Variants in FGFRL1 observed in about 807,000 individuals in gnomAD.
FGFRL1 encodes fibroblast growth factor receptor-like 1.
In FGFRL1, 24 loss-of-function variants were observed where a neutral mutation model predicts 36.8. That is an observed-to-expected ratio of 0.65 (90% CI 0.47 to 0.92). The LOEUF (loss-of-function observed/expected upper bound fraction) is 0.92, where lower values mean the gene tolerates loss of function less well. Among genes scored for constraint, FGFRL1 ranks in the 40% least tolerant of loss-of-function variants. FGFRL1 has a pLI of 0.00. For missense variants in FGFRL1, 785 were observed against 753.4 expected (o/e 1.04, Z -0.49); for synonymous variants, 422 against 344.1 (o/e 1.23, Z -2.50).
At chr4:1,020,541 C>T (rs1183171394) in intron 2 of FGFRL1, among the ~76,000 whole-genome samples, 2 of 150,654 alleles carry the variant, frequency 1.3e-5, no homozygotes, top group South Asian at 4.2e-4. Context: ...TTGGCACTGC[C>T]CACTGGGGCT....
chr4:1,024,442 G>A lies in FGFRL1; in HGVS notation c.850G>A (p.Val284Met), dbSNP rs376072293. The change falls in exon 6 of 7, where the codon GTG (valine) becomes ATG (methionine). Residue 284 changes from valine (V) to methionine (M), a missense_variant. Coordinates refer to ENST00000510644, the MANE Select transcript of FGFRL1 (RefSeq NM_001004356.3). ...GCCGGTGATCCAGTGGCTGAAGCGC[G>A]TGGAGTACGGCGCCGAGGGCCGCCA... The part of the protein sequence containing the change: ...VKPVIQWLKR[V>M]EYGAEGRHNS... The A allele has an allele frequency of 6.2e-6, 10 of 1,612,566 alleles. No homozygotes were observed. The highest frequency in any genetic ancestry group is 2.2e-5 in the East Asian group (1 of 44,874).
intron 2 of FGFRL1, among the ~76,000 whole-genome samples, chr4:1,020,401 C>T (rs1716107091): frequency 6.6e-6 from 1 of 151,990 alleles, no homozygotes; most frequent in South Asian, 2.1e-4. Context: ...GACTTGGGAG[C>T]AGCACGTGGG....
At position 1,026,665 on chromosome 4, in the gene FGFRL1, T is replaced by C. The variant is rs1029649607; in HGVS notation, c.*1318T>C. On this transcript the variant is annotated 3_prime_UTR_variant, in exon 7 of 7. Coordinates refer to ENST00000510644, the MANE Select transcript of FGFRL1 (RefSeq NM_001004356.3). The stretch of plus-strand genomic sequence containing the variant: ...ATTTATATTTAAGAAATGAAGATAA[T>C]ATTAATAATGATGGAAGGAAGACTG... The C allele has an allele frequency of 3.5e-5, 11 of 312,324 alleles. 1 individual carries two copies. Among genetic ancestry groups the C allele is most frequent in the Admixed American group, 1.8e-4 (4 of 21,894 alleles). The allele number at this position is 312,324 out of a possible 1,614,324, so 19.3% of individuals were successfully genotyped here.
Position 1,023,104 on chromosome 4 carries a change from G to A in FGFRL1, c.353-537G>A, listed in dbSNP as rs577170644. ...CCTGGCCCAGGCCCCAGCAGGGTCT[G>A]GGGGTGCGGCCTGAGACAGCCTGGT... On this transcript the variant is annotated intron_variant, in intron 3 of 6. Transcript: ENST00000510644. This position sits in a 1 kb window ranked among gnomAD's most constrained non-coding sequence, Gnocchi z 6.0. 1.3e-5 allele frequency among the ~76,000 whole-genome samples: 2 copies of A among 152,198 alleles called. No individual in the cohort carries two copies. Among genetic ancestry groups the A allele is most frequent in the South Asian group, 2.1e-4 (1 of 4,830 alleles).
chr4:1,012,214 G>T, intron 1 of FGFRL1: 1 of 449,146 alleles, frequency 2.2e-6, no homozygotes, highest in Non-Finnish European at 3.9e-6. Context: ...TGCGGGCAGG[G>T]CCGGAGTTAC....
In FGFRL1 at chr4:1,025,122, G is replaced by A. The variant is rs1340335420; in HGVS notation, c.1290G>A (p.Lys430=). 2 of 1,611,498 alleles carry A rather than the reference G, an allele frequency of 1.2e-6. No homozygotes were observed. The highest frequency in any genetic ancestry group is 1.3e-5 in the African/African-American group (1 of 75,040). Residue 430 remains lysine (K), a synonymous_variant, in exon 7 of 7, where the codon AAG becomes AAA. Transcript: ENST00000510644. ...PGTARDRSGD[K]DLPSLAALSA... is the part of the protein sequence containing the mutation. Reference sequence around the variant, plus strand: ...CGGCCCGCGACCGCAGCGGAGACAAGGACCTTCCCTCGTTGGCCGCCCTCA... The same window carrying A: ...CGGCCCGCGACCGCAGCGGAGACAAAGACCTTCCCTCGTTGGCCGCCCTCA...
At chr4:1,024,141 G>C in intron 5 of FGFRL1, 40 bp downstream of exon 5, 1 of 1,373,582 alleles carries the variant, frequency 7.3e-7, no homozygotes, top group Non-Finnish European at 9.4e-7. Flanking sequence ...GGGGGTGCTG[G>C]TGGGCGGGGG....
chr4:1,021,951 G>A (rs538971119), intron 2 of FGFRL1, among the ~76,000 whole-genome samples: 2 of 152,210 alleles, frequency 1.3e-5, no homozygotes, highest in Admixed American at 1.3e-4. Flanking sequence ...CTGGGGCCAC[G>A]GGGCTGCCCC....
At chr4:1,024,699 G>A in intron 6 of FGFRL1, 35 bp downstream of exon 6, 1 of 1,561,508 alleles carries the variant, frequency 6.4e-7, no homozygotes, top group East Asian at 2.3e-5. Flanking sequence ...CACCATGCTG[G>A]TGCCCGGACC....
At chr4:1,016,104 GGTGCCCGGT>G (rs953548329) in intron 2 of FGFRL1, among the ~76,000 whole-genome samples, 3 of 152,368 alleles carry the variant, frequency 2.0e-5, no homozygotes, top group Admixed American at 2.0e-4. Flanking sequence ...CTGACCTGGT[GGTGCCCGGT>G]GTGCCTGGGC....
chr4:1,015,947 C>T (rs912484139), intron 2 of FGFRL1, among the ~76,000 whole-genome samples: 4 of 152,254 alleles, frequency 2.6e-5, no homozygotes, highest in Admixed American at 6.5e-5. Context: ...GTGCCTGACG[C>T]AGGCATCACT....
At position 1,017,235 on chromosome 4, in the gene FGFRL1, GC is replaced by G. The variant is rs1170239019; in HGVS notation, c.79+4672del. 2.0e-5 allele frequency among the ~76,000 whole-genome samples: 3 copies of G among 152,188 alleles called. No individual in the cohort carries two copies. The East Asian group carries it at 5.8e-4, about 29-fold the overall frequency. On this transcript the variant is annotated intron_variant, in intron 2 of 6. Coordinates refer to ENST00000510644, the MANE Select transcript of FGFRL1 (RefSeq NM_001004356.3). ...CCTCCAGCTGGAAACTTTGGGCCAT[GC>G]AGGGCCCCCCAGTTCGCAGGCATCC...
Position 1,025,714 on chromosome 4 carries a change from A to T in FGFRL1, c.*367A>T. The stretch of plus-strand genomic sequence containing the variant: ...AACATACACACGCACACCCATGCGC[A>T]GATGTGCTGCCTGGACACACACACA... On this transcript the variant is annotated 3_prime_UTR_variant, in exon 7 of 7. Transcript: ENST00000510644. The T allele has an allele frequency of 3.1e-6, 1 of 322,986 alleles. No individual in the cohort carries two copies. Among genetic ancestry groups the T allele is most frequent in the Non-Finnish European group, 5.8e-6 (1 of 171,942 alleles). The allele number at this position is 322,986 out of a possible 1,614,324, so 20.0% of individuals were successfully genotyped here.
intron 2 of FGFRL1, among the ~76,000 whole-genome samples, chr4:1,014,884 G>T (rs1715805648): frequency 6.6e-6 from 1 of 152,222 alleles, no homozygotes; most frequent in Non-Finnish European, 1.5e-5. Flanking sequence ...GAGGGAGGGA[G>T]CCGTGAACAA....
intron 2 of FGFRL1, among the ~76,000 whole-genome samples, chr4:1,015,318 C>A (rs1368231245): frequency 1.3e-5 from 2 of 152,246 alleles, no homozygotes; most frequent in Non-Finnish European, 2.9e-5. Context: ...GAGGCCCCCT[C>A]CAGGGCTGCA....
chr4:1,021,352 C>T (rs542349676), intron 2 of FGFRL1, among the ~76,000 whole-genome samples: 188 of 152,166 alleles, frequency 1.2e-3, no homozygotes, highest in African/African-American at 4.4e-3. Flanking sequence ...CTGTGGGTTT[C>T]ACAGGTGGTG....
At position 1,022,168 on chromosome 4, in the gene FGFRL1, C is replaced by G. The variant is rs1227975037; in HGVS notation, c.80-35C>G. 2.7e-6 allele frequency: 4 copies of G among 1,480,810 alleles called. No homozygotes were observed. In the Admixed American group the frequency reaches 9.2e-5, roughly 34 times the overall value. 91.7% of individuals were successfully genotyped at this position (1,480,810 alleles called of 1,614,324 possible). ...CCCCCCCGGCTCCGGACCCCAAGCCCCTCCTCGCTGACTGTTCCTCGGTCC... is the reference window on the plus strand; with the variant it reads ...CCCCCCCGGCTCCGGACCCCAAGCCGCTCCTCGCTGACTGTTCCTCGGTCC... On this transcript the variant is annotated intron_variant, in intron 2 of 6. Transcript: ENST00000510644.
intron 2 of FGFRL1, among the ~76,000 whole-genome samples, chr4:1,019,070 A>C (rs1716040178): frequency 6.6e-6 from 1 of 152,188 alleles, no homozygotes; most frequent in African/African-American, 2.4e-5. Context: ...TGGTGACCAC[A>C]GGCGGGGGTC....
upstream of FGFRL1, among the ~76,000 whole-genome samples, chr4:1,010,426 G>A (rs1019924141): frequency 1.3e-5 from 2 of 152,246 alleles, no homozygotes; most frequent in Non-Finnish European, 2.9e-5. Flanking sequence ...CGGGTAGTTC[G>A]GGCCTTGAGG....
Sources: gnomAD v4.1 joint callset for allele counts (sites outside exome capture counted in the v4.1 genomes callset) on GRCh38, gnomAD v4.1.1 for gene constraint, Gnocchi (gnomAD v3.1) non-coding constraint, MANE v1.5 for transcripts, NCBI Gene and HGNC (gene_info 2026-07-23, HGNC 2026-07-21) for gene names.